The following TCP11L1 variants were observed in gnomAD, a reference collection of about 807,000 sequenced individuals.
TCP11L1 encodes the protein t-complex 11 like 1, also known as T-complex protein 11-like protein 1.
Under a neutral mutation model 48.9 loss-of-function variants are expected in TCP11L1, and 28 were observed. That is an observed-to-expected ratio of 0.57 (90% confidence interval 0.42 to 0.78). TCP11L1 has a LOEUF of 0.78. Ranked by LOEUF, TCP11L1 falls within the 30% of genes least tolerant of loss-of-function variation. The pLI, the probability that TCP11L1 is intolerant of heterozygous loss-of-function variation, is 0.00. For synonymous variants in TCP11L1, 204 were observed against 231.9 expected, an observed-to-expected ratio of 0.88 and a Z score of 1.09; for missense variants, 505 against 613.4, an observed-to-expected ratio of 0.82 and a Z score of 1.87.
chr11:33,057,341 GTTAAAGTAC>G (rs1414158041), intron 4 of TCP11L1, 106 bp downstream of exon 4: 2 of 1,532,354 alleles, frequency 1.3e-6, no homozygotes, highest in East Asian at 4.6e-5. Context: ...GGATCAAGAA[GTTAAAGTAC>G]TTGCCAGAAG....
At chr11:33,066,897 C>T (rs986550431) in intron 8 of TCP11L1, among the ~76,000 whole-genome samples, 2 of 152,192 alleles carry the variant, frequency 1.3e-5, no homozygotes, top group African/African-American at 4.8e-5. Flanking sequence ...GTAACAGAAA[C>T]GAAAACTTCT....
At position 33,072,522 on chromosome 11, in the gene TCP11L1, A is replaced by G; in HGVS notation, c.1376A>G (p.Gln459Arg). 1 of 1,614,186 alleles carries G rather than the reference A, an allele frequency of 6.2e-7. No homozygotes were observed. Among genetic ancestry groups the G allele is most frequent in the Non-Finnish European group, 8.5e-7 (1 of 1,180,044 alleles). ...FLETYLASGHQKPLPTVPGGL... is the reference protein window; with the variant it reads ...FLETYLASGHRKPLPTVPGGL... ...GAAACCTACCTTGCCTCGGGTCATC[A>G]GAAGCCATTGCCCACAGTCCCTGGG... Residue 459 changes from glutamine to arginine, a missense_variant, in exon 10 of 10, where the codon CAG becomes CGG. Transcript: ENST00000334274.
chr11:33,040,016 G>T (rs1246696811), intron 1 of TCP11L1: 3 of 152,360 alleles, frequency 2.0e-5, no homozygotes, highest in African/African-American at 7.2e-5. Context: ...TCCCTCGCTG[G>T]CCTGAACAGC....
chr11:33,068,720 C>A lies in TCP11L1; in HGVS notation c.1188C>A (p.Ile396=). 1 of 1,614,136 alleles carries A rather than the reference C, an allele frequency of 6.2e-7. No individual in the cohort carries two copies. Among genetic ancestry groups the A allele is most frequent in the South Asian group, 1.1e-5 (1 of 91,076 alleles). The change falls in exon 9 of 10, where the codon ATC becomes ATA. Residue 396 remains isoleucine (I), a synonymous_variant. Transcript: ENST00000334274. ...SFHLKDVLTT[I]GEKVCLEVSS... ...ATCTGAAGGACGTCCTCACTACCATCGGGGAGAAGGTGTGCCTGGAGGTGA... is the reference window on the plus strand; with the variant it reads ...ATCTGAAGGACGTCCTCACTACCATAGGGGAGAAGGTGTGCCTGGAGGTGA...
intron 2 of TCP11L1, among the ~76,000 whole-genome samples, chr11:33,047,117 G>A (rs1441616568): frequency 1.3e-5 from 2 of 151,852 alleles, no homozygotes; most frequent in East Asian, 3.9e-4. Context: ...GGAGGCTGAG[G>A]CAAGAGAATC....
In TCP11L1 at chr11:33,061,740, G is replaced by A. The variant is rs775824491; in HGVS notation, c.972+14G>A. 6.3e-7 allele frequency: 1 copy of A among 1,580,560 alleles called. No individual in the cohort carries two copies. Among genetic ancestry groups the A allele is most frequent in the African/African-American group, 1.3e-5 (1 of 74,200 alleles). On this transcript the variant is annotated intron_variant, in intron 7 of 9. Coordinates refer to ENST00000334274, the MANE Select transcript of TCP11L1 (RefSeq NM_018393.4). The stretch of plus-strand genomic sequence containing the variant: ...CCGTTCCCCGAAGTAGGTCTCCTGA[G>A]CCATCTCACTACTCATATTTGTTTT...
At chr11:33,071,736 T>C (rs1412258679) in intron 9 of TCP11L1, among the ~76,000 whole-genome samples, 2 of 152,218 alleles carry the variant, frequency 1.3e-5, no homozygotes, top group Non-Finnish European at 2.9e-5. Context: ...CTTCCACCTT[T>C]TTATGTGATC....
chr11:33,058,194 T>C (rs983570735), intron 5 of TCP11L1, 55 bp downstream of exon 5: 166 of 1,450,562 alleles, frequency 1.1e-4, no homozygotes, highest in Non-Finnish European at 1.4e-4. Context: ...GGCATTTTCT[T>C]TTTTTTCTTT....
rs545283675 is a variant in TCP11L1, at chr11:33,055,344, G to T, written c.296+619G>T. Among the ~76,000 whole-genome samples the T allele has an allele frequency of 8.5e-5, 13 of 152,288 alleles. No homozygotes were observed. In the South Asian group the frequency reaches 1.0e-3, roughly 12 times the overall value. ...AGTCTCTTAGCCTGTCCTCATGGTT[G>T]CAGGATGAATGCTGCAGCTCCAAGC... On this transcript the variant is annotated intron_variant, in intron 3 of 9. Transcript: ENST00000334274.
chr11:33,067,721 G>T (rs1371128299), intron 8 of TCP11L1, among the ~76,000 whole-genome samples: 1 of 152,060 alleles, frequency 6.6e-6, no homozygotes, highest in Non-Finnish European at 1.5e-5. Context: ...TTGCTCCCAT[G>T]CCCCCCAGTA....
Position 33,061,514 on chromosome 11 carries a change from G to T in TCP11L1, c.776-16G>T. ...TCTTGGTGTCAAGGTAATGTGTGCA[G>T]CTTTGTTTTTCACAGATTCCCTGGA... On this transcript the variant is annotated splice_polypyrimidine_tract_variant and intron_variant, in intron 6 of 9. Coordinates refer to ENST00000334274, the MANE Select transcript of TCP11L1 (RefSeq NM_018393.4). 6.3e-7 allele frequency: 1 copy of T among 1,587,868 alleles called. No individual in the cohort carries two copies. Among genetic ancestry groups the T allele is most frequent in the Non-Finnish European group, 8.6e-7 (1 of 1,165,622 alleles).
At chr11:33,041,472 C>A (rs1853830031) in intron 1 of TCP11L1, among the ~76,000 whole-genome samples, 1 of 152,148 alleles carries the variant, frequency 6.6e-6, no homozygotes, top group Non-Finnish European at 1.5e-5. Context: ...AGGCCTGGGC[C>A]AGGTGCAGTG....
intron 1 of TCP11L1, 43 bp from the exon 2 acceptor site, chr11:33,043,707 T>C (rs897311463): frequency 8.5e-6 from 13 of 1,521,782 alleles, no homozygotes; most frequent in Non-Finnish European, 8.8e-6. Context: ...GTGACAGAGC[T>C]AGAATACTTT....
rs1200805502 is a variant in TCP11L1, at chr11:33,061,797, T to C, written c.972+71T>C. On this transcript the variant is annotated intron_variant, in intron 7 of 9. Coordinates refer to ENST00000334274, the MANE Select transcript of TCP11L1 (RefSeq NM_018393.4). ...GCTGAACTTTTTAAAAAGAATAGCT[T>C]TGGCCAGGCACGGTGGCTCACTCCT... The C allele has an allele frequency of 4.8e-6, 7 of 1,444,072 alleles. No homozygotes were observed. In the African/African-American group the frequency reaches 8.5e-5, roughly 18 times the overall value. The allele number at this position is 1,444,072 out of a possible 1,614,324, so 89.5% of individuals were successfully genotyped here.
intron 2 of TCP11L1, among the ~76,000 whole-genome samples, chr11:33,051,640 G>A (rs1213693463): frequency 1.3e-5 from 2 of 152,080 alleles, no homozygotes; most frequent in Admixed American, 6.5e-5. Context: ...ATGATTTTTA[G>A]TAGAGACAGG....
At chr11:33,056,232 C>G (rs949268255) in intron 3 of TCP11L1, among the ~76,000 whole-genome samples, 2 of 152,118 alleles carry the variant, frequency 1.3e-5, no homozygotes, top group African/African-American at 4.8e-5. Context: ...GCCTCAGCCT[C>G]CTAAGTAGCT....
rs75576507 is a variant in TCP11L1, at chr11:33,063,998, C to T, written c.973-1832C>T. On this transcript the variant is annotated intron_variant, in intron 7 of 9. Coordinates refer to ENST00000334274, the MANE Select transcript of TCP11L1 (RefSeq NM_018393.4). ...CCATCCAATACCTCCCTTTTCCCCA[C>T]CGCTGATCATCTTCCCCAGGCCTTA... 2.4e-4 allele frequency among the ~76,000 whole-genome samples: 37 copies of T among 152,248 alleles called. 1 individual carries two copies. In the East Asian group the frequency reaches 7.1e-3, roughly 29 times the overall value.
intron 2 of TCP11L1, among the ~76,000 whole-genome samples, chr11:33,048,330 A>C (rs1408483238): frequency 6.6e-6 from 1 of 152,044 alleles, no homozygotes; most frequent in African/African-American, 2.4e-5. Flanking sequence ...ACCATTTTTC[A>C]TGGCTCTTAT....
At chr11:33,054,513 T>C in intron 2 of TCP11L1, 80 bp from the exon 3 acceptor site, 1 of 1,532,242 alleles carries the variant, frequency 6.5e-7, no homozygotes, top group Non-Finnish European at 8.8e-7. Context: ...TATTGTCTGG[T>C]ACCAGAACCA....
Sources: allele counts gnomAD v4.1 joint callset (sites outside exome capture counted in the v4.1 genomes callset), GRCh38; gene constraint gnomAD v4.1.1; transcripts MANE v1.5; gene names NCBI Gene and HGNC (gene_info 2026-07-23, HGNC 2026-07-21).